SAMD4A: variants seen among roughly 807,000 people sequenced by gnomAD.
SAMD4A encodes the protein protein Smaug homolog 1.
In SAMD4A, 33 loss-of-function variants were observed where a neutral mutation model predicts 81.3. The ratio of observed to expected loss-of-function variants is 0.41; its 90% CI spans 0.31 to 0.54. The LOEUF (loss-of-function observed/expected upper bound fraction) is 0.54, where lower values mean the gene tolerates loss of function less well. Among genes scored for constraint, SAMD4A ranks in the 20% least tolerant of loss-of-function variants. The pLI is 0.37. For synonymous variants in SAMD4A, 389 were observed against 382.1 expected (o/e 1.02, Z -0.21); for missense variants, 854 against 951.1 (o/e 0.90, Z 1.34).
intron 2 of SAMD4A, among the ~76,000 whole-genome samples, chr14:54,669,616 G>T (rs182546793): frequency 6.6e-6 from 1 of 151,756 alleles, no homozygotes; most frequent in Non-Finnish European, 1.5e-5. Flanking sequence ...GCACCACTAC[G>T]CCCGGCTAGC....
chr14:54,692,881 C>CCT (rs1555343997), intron 2 of SAMD4A: 2 of 146,208 alleles, frequency 1.4e-5, no homozygotes, highest in Non-Finnish European at 3.0e-5. Flanking sequence ...TTAGTGCCCC[C>CCT]CCCCGCAAAA....
At chr14:54,639,367 C>T (rs183786984) in intron 2 of SAMD4A, among the ~76,000 whole-genome samples, 1 of 152,308 alleles carries the variant, frequency 6.6e-6, no homozygotes, top group Non-Finnish European at 1.5e-5. Context: ...TTCTCAGCGT[C>T]TCTGTTTCTT....
intron 11 of SAMD4A, among the ~76,000 whole-genome samples, chr14:54,777,820 A>G (rs2038897899): frequency 6.6e-6 from 1 of 152,186 alleles, no homozygotes; most frequent in Admixed American, 6.5e-5. Context: ...AACTCTGCTC[A>G]CTTTTGTTTT....
chr14:54,696,894 C>G (rs2036591379), intron 2 of SAMD4A: 1 of 152,220 alleles, frequency 6.6e-6, no homozygotes, highest in Admixed American at 6.5e-5. Flanking sequence ...GAGCTGACAT[C>G]ATCAAACCTT....
intron 2 of SAMD4A, among the ~76,000 whole-genome samples, chr14:54,655,519 G>A (rs899759015): frequency 6.6e-6 from 1 of 151,974 alleles, no homozygotes; most frequent in African/African-American, 2.4e-5. Context: ...ATCACCTGAG[G>A]TCGGGAGTTC....
At chr14:54,742,850 T>C (rs927076272) in intron 4 of SAMD4A, among the ~76,000 whole-genome samples, 1 of 151,778 alleles carries the variant, frequency 6.6e-6, no homozygotes, top group Non-Finnish European at 1.5e-5. Context: ...CAATTAAGAG[T>C]GGAGGGGCCA....
chr14:54,601,059 G>C (rs1217446330), intron 2 of SAMD4A, among the ~76,000 whole-genome samples: 1 of 152,184 alleles, frequency 6.6e-6, no homozygotes, highest in African/African-American at 2.4e-5. Context: ...ATTTCATGGA[G>C]GGGACTATGC....
chr14:54,702,060 A>G lies in SAMD4A; in HGVS notation c.197-2A>G. On this transcript the variant is annotated splice_acceptor_variant, in intron 2 of 12. Coordinates refer to ENST00000554335, the MANE Select transcript of SAMD4A (RefSeq NM_015589.6). LOFTEE classifies it high-confidence loss of function. The stretch of plus-strand genomic sequence containing the variant: ...ATTTGCCGTGTATATTTCCCTTTTC[A>G]GGAATCATTAACCAATGGCAACAGG... 6.2e-7 allele frequency: 1 copy of G among 1,613,276 alleles called. No individual in the cohort carries two copies. The highest frequency in any genetic ancestry group is 8.5e-7 in the Non-Finnish European group (1 of 1,179,382).
chr14:54,735,798 C>A (rs1039494576), intron 3 of SAMD4A, among the ~76,000 whole-genome samples: 10 of 152,214 alleles, frequency 6.6e-5, no homozygotes, highest in African/African-American at 2.4e-4. Flanking sequence ...ATGGTTTAAC[C>A]AAAAGCAGGA....
intron 2 of SAMD4A, among the ~76,000 whole-genome samples, chr14:54,676,254 C>T (rs2035991308): frequency 6.6e-6 from 1 of 152,212 alleles, no homozygotes; most frequent in Admixed American, 6.5e-5. Flanking sequence ...CAGATATCTC[C>T]ATTTTTCATG....
Position 54,791,113 on chromosome 14 carries a change from C to G in SAMD4A, c.*2169C>G, listed in dbSNP as rs1261474558. The G allele has an allele frequency of 6.6e-6, 1 of 152,214 alleles. No individual in the cohort carries two copies. Among genetic ancestry groups the G allele is most frequent in the Non-Finnish European group, 1.5e-5 (1 of 68,038 alleles). The allele number at this position is 152,214 out of a possible 1,614,324, so 9.4% of individuals were successfully genotyped here. On this transcript the variant is annotated 3_prime_UTR_variant, in exon 13 of 13. Transcript: ENST00000554335. Reference sequence around the variant, plus strand: ...CCATTAACATTCATCCCCCACATCCCTTTTCTAAACAAGCTTAGTGTTACT... The same window carrying G: ...CCATTAACATTCATCCCCCACATCCGTTTTCTAAACAAGCTTAGTGTTACT...
At chr14:54,642,951 TG>T (rs1311041350) in intron 2 of SAMD4A, among the ~76,000 whole-genome samples, 1 of 152,150 alleles carries the variant, frequency 6.6e-6, no homozygotes, top group African/African-American at 2.4e-5. Flanking sequence ...TAATGGTGCT[TG>T]GAAAGCCCTG....
At chr14:54,736,881 G>T (rs909108262) in intron 3 of SAMD4A, 143 bp from the exon 4 acceptor site, 1 of 928,020 alleles carries the variant, frequency 1.1e-6, no homozygotes, top group East Asian at 2.6e-5. Flanking sequence ...ACCATGCCAG[G>T]CCTGTATTCA....
intron 2 of SAMD4A, among the ~76,000 whole-genome samples, chr14:54,586,618 G>C (rs564787942): frequency 2.0e-5 from 3 of 152,118 alleles, no homozygotes; most frequent in African/African-American, 7.2e-5. Context: ...TGAGAGATGA[G>C]GATCCAGTTT....
In SAMD4A at chr14:54,791,948, T is replaced by A. The variant is rs1383074984; in HGVS notation, c.*3004T>A. On this transcript the variant is annotated 3_prime_UTR_variant, in exon 13 of 13. Transcript: ENST00000554335. Reference sequence around the variant, plus strand: ...AATCTCAGAGTAAAATCTATTTCACTACATGCTTTTCCCCCCTTGTTCTGA... The same window carrying A: ...AATCTCAGAGTAAAATCTATTTCACAACATGCTTTTCCCCCCTTGTTCTGA... 1 of 152,260 alleles carries A rather than the reference T, an allele frequency of 6.6e-6. No homozygotes were observed. The highest frequency in any genetic ancestry group is 1.5e-5 in the Non-Finnish European group (1 of 68,046). The allele number at this position is 152,260 out of a possible 1,614,324, so 9.4% of individuals were successfully genotyped here. A position where few individuals can be genotyped will look rare whatever the true frequency, so the allele number is the denominator to read the frequency against.
chr14:54,616,179 GCTCC>G (rs2034486423), intron 2 of SAMD4A, among the ~76,000 whole-genome samples: 2 of 152,114 alleles, frequency 1.3e-5, no homozygotes, highest in African/African-American at 4.8e-5. Flanking sequence ...AAATTGCCTT[GCTCC>G]CTCTGCTCAT....
rs998197528 is a variant in SAMD4A, at chr14:54,771,221, G to T, written c.1715+999G>T. Among the ~76,000 whole-genome samples, 7 of 152,064 alleles carry T rather than the reference G, an allele frequency of 4.6e-5. No homozygotes were observed. The South Asian group carries it at 1.5e-3, about 32-fold the overall frequency. On this transcript the variant is annotated intron_variant, in intron 9 of 12. Transcript: ENST00000554335. Reference sequence around the variant, plus strand: ...GTGATCACATTCCAGCATATATAACGGTTATTTATTAAACAAACATTTATT... The same window carrying T: ...GTGATCACATTCCAGCATATATAACTGTTATTTATTAAACAAACATTTATT...
intron 3 of SAMD4A, among the ~76,000 whole-genome samples, chr14:54,733,962 G>A (rs150746762): frequency 2.9e-4 from 44 of 152,264 alleles, no homozygotes; most frequent in Admixed American, 7.8e-4. Context: ...TGGCCCCCTC[G>A]TCAATTCCAC....
At chr14:54,710,733 G>A (rs531546216) in intron 3 of SAMD4A, among the ~76,000 whole-genome samples, 11 of 152,140 alleles carry the variant, frequency 7.2e-5, no homozygotes, top group African/African-American at 1.4e-4. Flanking sequence ...TCTTTGCACC[G>A]ATCCACACAA....
Sources: allele counts gnomAD v4.1 joint callset (sites outside exome capture counted in the v4.1 genomes callset), GRCh38; gene constraint gnomAD v4.1.1; transcripts MANE v1.5; gene names NCBI Gene and HGNC (gene_info 2026-07-23, HGNC 2026-07-21).